UGT1A6: variants seen among roughly 807,000 people sequenced by gnomAD.
The protein encoded by UGT1A6 is UDP-glucuronosyltransferase 1A6.
UGT1A6 carries 32 observed loss-of-function variants against 44.4 expected under a neutral mutation model. The ratio of observed to expected loss-of-function variants is 0.72; its 90% CI spans 0.54 to 0.97. The LOEUF (loss-of-function observed/expected upper bound fraction) is 0.97, where lower values mean the gene tolerates loss of function less well. Ranked by LOEUF, UGT1A6 falls within the 50% of genes least tolerant of loss-of-function variation. The pLI is 0.00. For missense variants in UGT1A6, 685 were observed against 661.9 expected (o/e 1.03, Z -0.38); for synonymous variants, 238 against 248.5 (o/e 0.96, Z 0.40).
intron 1 of UGT1A6, among the ~76,000 whole-genome samples, chr2:233,731,284 CTTT>C (rs78127606): frequency 7.2e-6 from 1 of 139,768 alleles, no homozygotes. Flanking sequence ...GTTTTTCTTT[CTTT>C]TTTTTTTTTT....
chr2:233,710,591 C>T (rs188029581), intron 1 of UGT1A6, among the ~76,000 whole-genome samples: 9 of 152,216 alleles, frequency 5.9e-5, no homozygotes, highest in Non-Finnish European at 1.3e-4. Flanking sequence ...CTTCCGCACA[C>T]CTTTATTGGT....
intron 1 of UGT1A6, among the ~76,000 whole-genome samples, chr2:233,737,149 C>G (rs2125805846): frequency 6.6e-6 from 1 of 152,368 alleles, no homozygotes; most frequent in South Asian, 2.1e-4. Flanking sequence ...TTCAGATATG[C>G]CCTGCCCACA....
intron 1 of UGT1A6, among the ~76,000 whole-genome samples, chr2:233,705,792 T>C (rs1402814731): frequency 2.6e-5 from 4 of 152,152 alleles, no homozygotes; most frequent in African/African-American, 7.2e-5. Context: ...AAAATGCCCC[T>C]TGTTCAAAAA....
intron 1 of UGT1A6, chr2:233,752,610 TTAGC>T (rs1306337132): frequency 1.3e-5 from 2 of 152,180 alleles, no homozygotes; most frequent in Non-Finnish European, 2.9e-5. Flanking sequence ...TAAAAAAACA[TTAGC>T]TAGGTGTGGT....
At chr2:233,711,835 G>A (rs149400797) in intron 1 of UGT1A6, among the ~76,000 whole-genome samples, 51 of 152,330 alleles carry the variant, frequency 3.3e-4, no homozygotes, top group Non-Finnish European at 6.3e-4. Context: ...ACAAGGAGGC[G>A]TCAGCAATCT....
At chr2:233,768,026 TG>T (rs1699551071) in intron 3 of UGT1A6, 90 bp downstream of exon 3, 2 of 1,613,156 alleles carry the variant, frequency 1.2e-6, no homozygotes, top group Non-Finnish European at 1.7e-6. Context: ...TTGTTGAGCT[TG>T]AAAATATTAT....
intron 1 of UGT1A6, among the ~76,000 whole-genome samples, chr2:233,750,429 T>C (rs1273290769): frequency 6.6e-6 from 1 of 151,918 alleles, no homozygotes; most frequent in Non-Finnish European, 1.5e-5. Flanking sequence ...GAAAAACCCA[T>C]TTTATGGGGA....
rs1559392013 is a variant in UGT1A6 at position 233,747,291 on chromosome 2, T to C, written c.862-19743T>C. The C allele has an allele frequency of 3.1e-6, 5 of 1,600,838 alleles. No individual in the cohort carries two copies. In the African/African-American group the frequency reaches 4.0e-5, roughly 13 times the overall value. On this transcript the variant is annotated intron_variant, in intron 1 of 4. Transcript: ENST00000305139. ...TCCTTCTCAGTGCCCAGCCCTGGGCTGAGAGTGGGAAGGTGCTGGTGGTAC... is the reference window on the plus strand; with the variant it reads ...TCCTTCTCAGTGCCCAGCCCTGGGCCGAGAGTGGGAAGGTGCTGGTGGTAC...
intron 1 of UGT1A6, among the ~76,000 whole-genome samples, chr2:233,712,058 A>T (rs1188921458): frequency 6.6e-6 from 1 of 152,228 alleles, no homozygotes; most frequent in African/African-American, 2.4e-5. Context: ...GCCTGACCAT[A>T]ATCTTCAGGA....
chr2:233,754,940 G>C (rs777236330), intron 1 of UGT1A6: 1 of 1,335,680 alleles, frequency 7.5e-7, no homozygotes, highest in Admixed American at 1.9e-5. Flanking sequence ...GGTCAAAGGA[G>C]AATGGGTCCC....
chr2:233,748,696 G>A (rs1384133711), intron 1 of UGT1A6, among the ~76,000 whole-genome samples: 1 of 151,680 alleles, frequency 6.6e-6, no homozygotes, highest in Non-Finnish European at 1.5e-5. Context: ...GATTTTTCTG[G>A]TCAGGATTTG....
intron 1 of UGT1A6, among the ~76,000 whole-genome samples, chr2:233,715,799 G>A (rs2076471027): frequency 6.6e-6 from 1 of 152,116 alleles, no homozygotes; most frequent in African/African-American, 2.4e-5. Context: ...TTTGGAATGT[G>A]AAAATCTTGT....
At chr2:233,731,289 T>C (rs2078133665) in intron 1 of UGT1A6, among the ~76,000 whole-genome samples, 1 of 152,126 alleles carries the variant, frequency 6.6e-6, no homozygotes, top group East Asian at 1.9e-4. Context: ...TCTTTCTTTT[T>C]TTTTTTTTTA....
intron 1 of UGT1A6, chr2:233,729,995 T>A (rs776522612): frequency 3.7e-6 from 6 of 1,613,982 alleles, no homozygotes; most frequent in Non-Finnish European, 4.2e-6. Flanking sequence ...CTATCTCAGG[T>A]CTGTATTGGT....
chr2:233,717,541 C>G (rs1044536522), intron 1 of UGT1A6, among the ~76,000 whole-genome samples: 14 of 152,370 alleles, frequency 9.2e-5, no homozygotes, highest in Non-Finnish European at 1.5e-4. Flanking sequence ...GAAGCCTCAG[C>G]CTCACCAGCA....
rs1176429614 is a variant in UGT1A6, at chr2:233,757,538, ATATATATATATATATATATATATG to A, written c.862-9488_862-9465del. Among the ~76,000 whole-genome samples, 814 of 109,752 alleles carry A rather than the reference ATATATATATATATATATATATATG, an allele frequency of 7.4e-3. 44 individuals carry two copies. The highest frequency in any genetic ancestry group is 0.034 in the African/African-American group (774 of 22,608). The allele number at this position is 109,752 out of a possible 152,430, so 72.0% of individuals were successfully genotyped here. ...AGCCAAAATCTTGCCTGTAAGGAAT[ATATATATATATATATATATATATG>A]TATATATGATATAGCTATAGTCTAA... On this transcript the variant is annotated intron_variant, in intron 1 of 4. Coordinates refer to ENST00000305139, the MANE Select transcript of UGT1A6 (RefSeq NM_001072.4).
intron 1 of UGT1A6, among the ~76,000 whole-genome samples, chr2:233,727,321 C>T (rs1225284066): frequency 6.6e-6 from 1 of 152,152 alleles, no homozygotes; most frequent in African/African-American, 2.4e-5. Flanking sequence ...TTCCCAGGCA[C>T]CAGGAGCTCC....
intron 1 of UGT1A6, among the ~76,000 whole-genome samples, chr2:233,700,949 T>G (rs537034849): frequency 2.1e-4 from 32 of 150,414 alleles, no homozygotes; most frequent in African/African-American, 7.3e-4. Context: ...AATTCCCACC[T>G]ATGAGTGAGA....
rs528527073 is a variant in UGT1A6 at position 233,743,656 on chromosome 2, G to A, written c.862-23378G>A. On this transcript the variant is annotated intron_variant, in intron 1 of 4. Transcript: ENST00000305139. ...GGTCGCGGAAGCTGAAGACGTACTC[G>A]AAGGGGTCCTCGAAGGGCCTGCCGC... 2.2e-5 allele frequency: 30 copies of A among 1,367,266 alleles called. 1 individual carries two copies. Among genetic ancestry groups the A allele is most frequent in the Middle Eastern group, 4.2e-4 (2 of 4,768 alleles). The allele number at this position is 1,367,266 out of a possible 1,614,324, so 84.7% of individuals were successfully genotyped here.
Sources: allele counts gnomAD v4.1 joint callset (sites outside exome capture counted in the v4.1 genomes callset), GRCh38; gene constraint gnomAD v4.1.1; transcripts MANE v1.5; gene names NCBI Gene and HGNC (gene_info 2026-07-23, HGNC 2026-07-21).